Variants in FRMD4A observed in about 807,000 individuals in gnomAD.
FRMD4A encodes the protein FERM domain containing 4A.
A neutral mutation model predicts 129.1 loss-of-function variants in FRMD4A; 29 were observed. The ratio of observed to expected loss-of-function variants is 0.22; its 90% CI spans 0.17 to 0.31. The LOEUF is 0.31. Among genes scored for constraint, FRMD4A ranks in the 10% least tolerant of loss-of-function variants. The pLI is 1.00. For missense variants in FRMD4A, 1,272 were observed against 1,375.8 expected (o/e 0.92, Z 1.19); for synonymous variants, 634 against 571.6 (o/e 1.11, Z -1.56).
intron 2 of FRMD4A, among the ~76,000 whole-genome samples, chr10:14,241,388 C>CT: frequency 6.6e-6 from 1 of 152,176 alleles, no homozygotes; most frequent in Non-Finnish European, 1.5e-5. Flanking sequence ...CTTCTAGAAC[C>CT]TTTTTTGTGA....
At position 13,883,612 on chromosome 10, in the gene FRMD4A, C is replaced by T. The variant is rs1284901115; in HGVS notation, c.46-24700G>A. ...GGAAGTTGCAGATCTCTGCATGGCA[C>T]AAAATCTCTATCGACTAATTTACAA... On this transcript the variant is annotated intron_variant, in intron 2 of 24. Coordinates refer to ENST00000357447, the MANE Select transcript of FRMD4A (RefSeq NM_018027.5). Among the ~76,000 whole-genome samples, 7 of 152,348 alleles carry T rather than the reference C, an allele frequency of 4.6e-5. 1 individual carries two copies. In the East Asian group the frequency reaches 1.3e-3, roughly 29 times the overall value.
chr10:14,141,357 A>G (rs1395067993), intron 2 of FRMD4A, among the ~76,000 whole-genome samples: 2 of 152,170 alleles, frequency 1.3e-5, no homozygotes, highest in African/African-American at 4.8e-5. Flanking sequence ...CTCTAACAGC[A>G]GGGCACACAA....
chr10:14,191,670 G>A (rs992178635), intron 2 of FRMD4A, among the ~76,000 whole-genome samples: 1 of 152,166 alleles, frequency 6.6e-6, no homozygotes, highest in African/African-American at 2.4e-5. Context: ...TTTAACTATA[G>A]GGCCGTTGAA....
At chr10:13,971,212 C>T (rs564018724) in intron 2 of FRMD4A, among the ~76,000 whole-genome samples, 13 of 152,328 alleles carry the variant, frequency 8.5e-5, no homozygotes, top group East Asian at 3.9e-4. Flanking sequence ...ACCGCATGCA[C>T]GCACGGTTTG....
At chr10:14,295,291 TGATG>T (rs764174938) in intron 2 of FRMD4A, among the ~76,000 whole-genome samples, 47 of 152,138 alleles carry the variant, frequency 3.1e-4, no homozygotes, top group Non-Finnish European at 6.6e-4. Context: ...TTACTTGGGG[TGATG>T]AAATACCTAA....
Position 13,740,564 on chromosome 10 carries a change from T to C in FRMD4A, c.562A>G (p.Ile188Val). The C allele has an allele frequency of 6.4e-7, 1 of 1,571,854 alleles. No individual in the cohort carries two copies. Among genetic ancestry groups the C allele is most frequent in the Non-Finnish European group, 8.7e-7 (1 of 1,146,436 alleles). The part of the protein sequence containing the change: ...PSLAYCEDRV[I>V]EHYKKLNGQT... ...CCGTTCAGTTTCTTGTAGTGCTCAA[T>C]GACTCTGTCTTCACTGTAATTAGAA... Residue 188 changes from isoleucine (I) to valine (V), a missense_variant, in exon 10 of 25, where the codon ATT becomes GTT. By Grantham distance (29) the Ile-to-Val change is conservative. Transcript: ENST00000357447.
At chr10:13,702,838 GA>G (rs2086980438) in intron 13 of FRMD4A, among the ~76,000 whole-genome samples, 1 of 148,714 alleles carries the variant, frequency 6.7e-6, no homozygotes, top group Non-Finnish European at 1.5e-5. Flanking sequence ...CTTTTAAGGA[GA>G]AATTCAGATC....
At chr10:13,729,847 G>C (rs1324606631) in intron 12 of FRMD4A, among the ~76,000 whole-genome samples, 1 of 152,138 alleles carries the variant, frequency 6.6e-6, no homozygotes, top group Non-Finnish European at 1.5e-5. Flanking sequence ...TTTCTTCCCA[G>C]GGGGGAGATT....
intron 2 of FRMD4A, among the ~76,000 whole-genome samples, chr10:13,930,907 A>T (rs2095187196): frequency 6.6e-6 from 1 of 151,972 alleles, no homozygotes; most frequent in African/African-American, 2.4e-5. Flanking sequence ...ATCACAGCTT[A>T]CTGCAGCCCC....
intron 2 of FRMD4A, among the ~76,000 whole-genome samples, chr10:14,176,268 T>C (rs1018948076): frequency 6.6e-6 from 1 of 152,120 alleles, no homozygotes; most frequent in East Asian, 1.9e-4. Context: ...CCATCTATCA[T>C]TGCATTATTC....
chr10:14,268,357 C>T (rs753288015), intron 2 of FRMD4A, among the ~76,000 whole-genome samples: 1 of 152,222 alleles, frequency 6.6e-6, no homozygotes, highest in Non-Finnish European at 1.5e-5. Context: ...CACGACAGAT[C>T]ATTGAACATG....
intron 2 of FRMD4A, among the ~76,000 whole-genome samples, chr10:14,235,746 G>A (rs1318657780): frequency 6.6e-6 from 1 of 152,214 alleles, no homozygotes; most frequent in Admixed American, 6.5e-5. Flanking sequence ...CCAGAGTGCA[G>A]CAGAATATCT....
chr10:14,300,482 A>G (rs1846149223), intron 2 of FRMD4A, among the ~76,000 whole-genome samples: 1 of 152,228 alleles, frequency 6.6e-6, no homozygotes, highest in African/African-American at 2.4e-5. Context: ...CAGTTCTGTC[A>G]TGAACTAGCA....
At chr10:14,025,588 G>T (rs2131652908) in intron 2 of FRMD4A, among the ~76,000 whole-genome samples, 1 of 152,182 alleles carries the variant, frequency 6.6e-6, no homozygotes, top group East Asian at 1.9e-4. Flanking sequence ...GAAAAATTTT[G>T]GGGCCTTAAG....
chr10:14,155,670 G>A (rs977847436), intron 2 of FRMD4A, among the ~76,000 whole-genome samples: 1 of 152,114 alleles, frequency 6.6e-6, no homozygotes, highest in East Asian at 1.9e-4. Flanking sequence ...CACTGGAGAG[G>A]GCTCTGAGAT....
intron 8 of FRMD4A, among the ~76,000 whole-genome samples, chr10:13,750,146 A>AAGAAAGAAAGAAAG: frequency 6.6e-6 from 1 of 151,720 alleles, no homozygotes; most frequent in Non-Finnish European, 1.5e-5. Flanking sequence ...GAAAGAAAGA[A>AAGAAAGAAAGAAAG]AGAAAAGAGA....
chr10:13,666,245 G>A lies in FRMD4A; in HGVS notation c.1455C>T (p.Asp485=), dbSNP rs7906126. The A allele has an allele frequency of 0.01, 16,277 of 1,614,044 alleles. 605 individuals carry two copies. The highest frequency in any genetic ancestry group is 0.098 in the African/African-American group (7,351 of 75,000). Residue 485 remains aspartate (D), a synonymous_variant, in exon 18 of 25, where the codon GAC becomes GAT. Transcript: ENST00000357447. ...ITEAARRLAS[D]PNVSKKLKKQ... is the part of the protein sequence containing the mutation. The stretch of plus-strand genomic sequence containing the variant: ...TCTTCAGTTTTTTGCTGACGTTGGG[G>A]TCACTGGCTAGGCGGCGGGCGGCCT...
chr10:14,029,265 G>T (rs1833122588), intron 2 of FRMD4A, among the ~76,000 whole-genome samples: 1 of 143,994 alleles, frequency 6.9e-6, no homozygotes. Flanking sequence ...GTGGTGGGGT[G>T]GGAATTGGCT....
At chr10:14,253,193 A>G (rs930919219) in intron 2 of FRMD4A, among the ~76,000 whole-genome samples, 7 of 152,218 alleles carry the variant, frequency 4.6e-5, no homozygotes, top group African/African-American at 9.6e-5. Context: ...GTTTTTGTCC[A>G]TGCTCTGGTC....
Sources: allele counts gnomAD v4.1 joint callset (sites outside exome capture counted in the v4.1 genomes callset), GRCh38; gene constraint gnomAD v4.1.1; transcripts MANE v1.5; gene names NCBI Gene and HGNC (gene_info 2026-07-23, HGNC 2026-07-21).